The following PDCD6IP variants were observed in gnomAD, a reference collection of about 807,000 sequenced individuals.
PDCD6IP encodes programmed cell death 6-interacting protein.
In PDCD6IP, 43 loss-of-function variants were observed where a neutral mutation model predicts 103.7. That is an observed-to-expected ratio of 0.41 (90% confidence interval 0.32 to 0.53). PDCD6IP has a LOEUF of 0.53. Ranked by LOEUF, PDCD6IP falls within the 20% of genes least tolerant of loss-of-function variation. The probability of loss-of-function intolerance (pLI) is 0.16; values close to 1 mark genes in which losing one functional copy is unlikely to be tolerated. For missense variants in PDCD6IP, 871 were observed against 1,036.7 expected, an observed-to-expected ratio of 0.84 and a Z score of 2.20; for synonymous variants, 354 against 378.7, an observed-to-expected ratio of 0.93 and a Z score of 0.76.
chr3:33,853,017 G>C (rs183811293), intron 13 of PDCD6IP, among the ~76,000 whole-genome samples: 1 of 149,908 alleles, frequency 6.7e-6, no homozygotes, highest in Admixed American at 6.8e-5. Flanking sequence ...TCCGCCTCCC[G>C]GGTTCACGCC....
At chr3:33,830,300 A>G (rs1697218937) in intron 7 of PDCD6IP, among the ~76,000 whole-genome samples, 1 of 152,164 alleles carries the variant, frequency 6.6e-6, no homozygotes, top group Admixed American at 6.5e-5. Flanking sequence ...TGAACAAGGA[A>G]TTTGTGGGAA....
chr3:33,857,601 C>T (rs1307952280), intron 15 of PDCD6IP, among the ~76,000 whole-genome samples: 3 of 151,976 alleles, frequency 2.0e-5, no homozygotes, highest in Non-Finnish European at 2.9e-5. Flanking sequence ...GTCACCAGGA[C>T]GTTAAAAAAT....
intron 3 of PDCD6IP, among the ~76,000 whole-genome samples, chr3:33,819,214 AT>A (rs1301220032): frequency 1.3e-5 from 2 of 151,708 alleles, no homozygotes; most frequent in African/African-American, 4.8e-5. Context: ...TTGAAAAAAA[AT>A]TTTTTTTCCT....
chr3:33,821,140 TA>T (rs1207163474), intron 3 of PDCD6IP, among the ~76,000 whole-genome samples: 3 of 151,876 alleles, frequency 2.0e-5, no homozygotes, highest in Non-Finnish European at 4.4e-5. Context: ...GCTAGGACTA[TA>T]GACATGCACC....
chr3:33,859,580 A>C (rs1223794241), intron 15 of PDCD6IP, among the ~76,000 whole-genome samples: 5 of 152,178 alleles, frequency 3.3e-5, no homozygotes, highest in Admixed American at 2.6e-4. Flanking sequence ...AAATAAATGA[A>C]AAAAAATGAA....
At chr3:33,825,586 A>G (rs1697102611) in intron 5 of PDCD6IP, among the ~76,000 whole-genome samples, 1 of 152,204 alleles carries the variant, frequency 6.6e-6, no homozygotes, top group South Asian at 2.1e-4. Context: ...CCATTCTGGA[A>G]TAGTATTTAT....
chr3:33,866,000 A>C (rs1698055072), intron 17 of PDCD6IP, among the ~76,000 whole-genome samples: 1 of 152,188 alleles, frequency 6.6e-6, no homozygotes, highest in Admixed American at 6.5e-5. Context: ...TATCACAGTG[A>C]ATATTGAATA....
chr3:33,858,439 T>C (rs527251465), intron 15 of PDCD6IP, among the ~76,000 whole-genome samples: 2 of 152,192 alleles, frequency 1.3e-5, no homozygotes, highest in Non-Finnish European at 2.9e-5. Context: ...TGCGCTATGA[T>C]TGTACCGTAA....
intron 7 of PDCD6IP, among the ~76,000 whole-genome samples, chr3:33,835,673 G>A (rs972406031): frequency 6.6e-6 from 1 of 152,024 alleles, no homozygotes; most frequent in African/African-American, 2.4e-5. Context: ...AGCCGAGATC[G>A]CGCCACTGTG....
intron 1 of PDCD6IP, among the ~76,000 whole-genome samples, chr3:33,803,990 A>G (rs947507169): frequency 6.6e-6 from 1 of 152,082 alleles, no homozygotes; most frequent in Non-Finnish European, 1.5e-5. Context: ...TATTTTCTAC[A>G]TGGTAGTGTT....
chr3:33,863,858 C>T (rs1299109009), intron 15 of PDCD6IP, 148 bp from the exon 16 acceptor site: 3 of 631,330 alleles, frequency 4.8e-6, no homozygotes, highest in South Asian at 2.1e-5. Flanking sequence ...AGTCACTGTA[C>T]TAATTTGAAA....
chr3:33,825,814 A>C (rs1697109968), intron 5 of PDCD6IP, among the ~76,000 whole-genome samples: 1 of 152,192 alleles, frequency 6.6e-6, no homozygotes, highest in East Asian at 1.9e-4. Flanking sequence ...AGAGAATTAT[A>C]TGATAGTGGC....
At position 33,865,097 on chromosome 3, in the gene PDCD6IP, A is replaced by G; in HGVS notation, c.2245-146A>G. 4 of 555,908 alleles carry G rather than the reference A, an allele frequency of 7.2e-6. No homozygotes were observed. In the South Asian group the frequency reaches 1.0e-4, roughly 14 times the overall value. 34.4% of individuals were successfully genotyped at this position (555,908 alleles called of 1,614,324 possible). On this transcript the variant is annotated intron_variant, in intron 16 of 17. Transcript: ENST00000307296. ...TTATTCAACTATGATATATTTCTAT[A>G]GTAATAAGCCGGTATTTAAGAATGG...
At chr3:33,830,063 A>G (rs2125559278) in intron 7 of PDCD6IP, among the ~76,000 whole-genome samples, 1 of 152,260 alleles carries the variant, frequency 6.6e-6, no homozygotes, top group Non-Finnish European at 1.5e-5. Context: ...TTATGCCCCC[A>G]CGTCCCAACA....
chr3:33,845,761 T>C (rs1425493569), intron 12 of PDCD6IP, among the ~76,000 whole-genome samples, 173 bp downstream of exon 12: 1 of 152,258 alleles, frequency 6.6e-6, no homozygotes, highest in Non-Finnish European at 1.5e-5. Flanking sequence ...ATTATACTAA[T>C]ATTAACTGTC....
chr3:33,845,303 G>A, intron 11 of PDCD6IP, 116 bp from the exon 12 acceptor site: 1 of 607,464 alleles, frequency 1.6e-6, no homozygotes, highest in East Asian at 3.0e-5. Flanking sequence ...AGTGAATTGG[G>A]GTCTATAGAA....
chr3:33,821,437 T>C (rs1696990331), intron 3 of PDCD6IP, among the ~76,000 whole-genome samples: 1 of 150,082 alleles, frequency 6.7e-6, no homozygotes, highest in Admixed American at 6.6e-5. Flanking sequence ...AGATTTTTTT[T>C]TTTTAATCAG....
chr3:33,829,447 T>A (rs1047522418), intron 7 of PDCD6IP, among the ~76,000 whole-genome samples: 2 of 152,104 alleles, frequency 1.3e-5, no homozygotes, highest in Non-Finnish European at 2.9e-5. Context: ...GGCATATACT[T>A]CCACAACTTG....
intron 3 of PDCD6IP, among the ~76,000 whole-genome samples, chr3:33,818,832 A>C (rs1696922943): frequency 6.6e-6 from 1 of 152,078 alleles, no homozygotes. Flanking sequence ...CTTGCCTTTT[A>C]GTATCTAGTG....
Sources: gnomAD v4.1 joint callset for allele counts (sites outside exome capture counted in the v4.1 genomes callset) on GRCh38, gnomAD v4.1.1 for gene constraint, MANE v1.5 for transcripts, NCBI Gene and HGNC (gene_info 2026-07-23, HGNC 2026-07-21) for gene names.